The following TMEM161B variants were observed in gnomAD, a reference collection of about 807,000 sequenced individuals.
TMEM161B encodes transmembrane protein 161B.
A neutral mutation model predicts 61.8 loss-of-function variants in TMEM161B; 34 were observed. The observed-to-expected ratio is 0.55, with a 90% CI of 0.42 to 0.73. The LOEUF is 0.73. Ranked by LOEUF, TMEM161B falls within the 30% of genes least tolerant of loss-of-function variation. TMEM161B has a pLI of 0.00. For missense variants in TMEM161B, 456 were observed against 558.5 expected (o/e 0.82, Z 1.85); for synonymous variants, 167 against 192.8 (o/e 0.87, Z 1.11).
Position 88,254,332 on chromosome 5 carries a change from G to T in TMEM161B, c.4-13416C>A, listed in dbSNP as rs115827511. Among the ~76,000 whole-genome samples the T allele has an allele frequency of 3.2e-3, 488 of 152,204 alleles. 1 individual carries two copies. Among genetic ancestry groups the T allele is most frequent in the African/African-American group, 0.011 (443 of 41,536 alleles). On this transcript the variant is annotated intron_variant, in intron 1 of 11. Coordinates refer to ENST00000296595, the MANE Select transcript of TMEM161B (RefSeq NM_153354.5). ...AGAGTTATTTGAAGAACTTATTATA[G>T]ATTATTTCAAATTTCAAAATTCAAA...
chr5:88,208,723 A>G (rs1256302710), intron 5 of TMEM161B, among the ~76,000 whole-genome samples: 2 of 152,142 alleles, frequency 1.3e-5, no homozygotes, highest in African/African-American at 4.8e-5. Flanking sequence ...TATCAAAATC[A>G]CAGCTAGATT....
downstream of TMEM161B, among the ~76,000 whole-genome samples, chr5:88,192,659 G>A (rs908188679): frequency 1.3e-5 from 2 of 152,220 alleles, no homozygotes; most frequent in African/African-American, 2.4e-5. Flanking sequence ...TATCACTAGT[G>A]TGTTTAAATC....
intron 2 of TMEM161B, among the ~76,000 whole-genome samples, chr5:88,237,506 A>T (rs1752049256): frequency 6.6e-6 from 1 of 152,060 alleles, no homozygotes; most frequent in Non-Finnish European, 1.5e-5. Flanking sequence ...TCCCTTTCTG[A>T]TTCCCCATTT....
At chr5:88,202,234 T>G in intron 9 of TMEM161B, 1 of 418,796 alleles carries the variant, frequency 2.4e-6, no homozygotes, top group South Asian at 1.7e-5. Context: ...TTTCTATTAC[T>G]CTAACAGTTC....
intron 9 of TMEM161B, chr5:88,202,007 G>T: frequency 2.5e-6 from 1 of 396,318 alleles, no homozygotes; most frequent in Non-Finnish European, 5.1e-6. Flanking sequence ...TTCTGATGAG[G>T]CAAAGCAGTG....
downstream of TMEM161B, among the ~76,000 whole-genome samples, chr5:88,186,588 T>C (rs1748367381): frequency 6.6e-6 from 1 of 152,138 alleles, no homozygotes; most frequent in Non-Finnish European, 1.5e-5. Flanking sequence ...TTCCTTTTTT[T>C]GATGAGCATA....
At chr5:88,187,807 A>G (rs889632762), downstream of TMEM161B, among the ~76,000 whole-genome samples, 1 of 151,978 alleles carries the variant, frequency 6.6e-6, no homozygotes, top group African/African-American at 2.4e-5. Flanking sequence ...GTAGTATTTC[A>G]TTGGTTTTTG....
At chr5:88,230,528 T>C (rs1750819886) in intron 2 of TMEM161B, among the ~76,000 whole-genome samples, 1 of 152,224 alleles carries the variant, frequency 6.6e-6, no homozygotes, top group Non-Finnish European at 1.5e-5. Flanking sequence ...CAGCCTTTCA[T>C]GATCTGACCA....
At chr5:88,225,890 C>G (rs1554056687) in intron 3 of TMEM161B, 24 bp from the exon 4 acceptor site, 1 of 1,504,122 alleles carries the variant, frequency 6.6e-7, no homozygotes, top group Non-Finnish European at 9.1e-7. Context: ...ACAAGTGACA[C>G]AAAAAACAAG....
intron 3 of TMEM161B, among the ~76,000 whole-genome samples, chr5:88,226,599 G>A (rs1189240012): frequency 6.6e-6 from 1 of 152,076 alleles, no homozygotes; most frequent in East Asian, 1.9e-4. Flanking sequence ...CTTCAACTAA[G>A]TTTTAATAAT....
At chr5:88,245,320 T>C (rs1431207937) in intron 1 of TMEM161B, among the ~76,000 whole-genome samples, 1 of 151,928 alleles carries the variant, frequency 6.6e-6, no homozygotes. Context: ...TGTGAGTTTC[T>C]GATAGAAGTT....
intron 5 of TMEM161B, among the ~76,000 whole-genome samples, chr5:88,210,509 A>C (rs1028444806): frequency 6.6e-6 from 1 of 152,128 alleles, no homozygotes; most frequent in African/African-American, 2.4e-5. Context: ...CAGCCAGGCC[A>C]CTCTGACTCC....
intron 1 of TMEM161B, among the ~76,000 whole-genome samples, chr5:88,242,321 T>G (rs1247275874): frequency 6.6e-6 from 1 of 151,768 alleles, no homozygotes; most frequent in African/African-American, 2.4e-5. Context: ...TCAACTTAAA[T>G]CTCAGCAGTA....
exon 13 of TMEM161B, chr5:88,189,684 T>G (rs773072326): frequency 8.1e-5 from 14 of 173,802 alleles, no homozygotes; most frequent in Non-Finnish European, 1.7e-4. Flanking sequence ...TAGCTGTCGC[T>G]GTAACTCAAT....
chr5:88,247,172 T>A (rs1753725789), intron 1 of TMEM161B, among the ~76,000 whole-genome samples: 1 of 152,100 alleles, frequency 6.6e-6, no homozygotes, highest in Non-Finnish European at 1.5e-5. Context: ...AATAGTTTCT[T>A]GGAAGGTTAC....
chr5:88,221,606 A>G (rs1302955078), intron 4 of TMEM161B: 3 of 432,718 alleles, frequency 6.9e-6, no homozygotes, highest in African/African-American at 4.1e-5. Flanking sequence ...CCCCTTCAAC[A>G]AACTATTCCA....
chr5:88,264,531 C>T (rs1756105927), intron 1 of TMEM161B, among the ~76,000 whole-genome samples: 1 of 152,186 alleles, frequency 6.6e-6, no homozygotes, highest in Admixed American at 6.5e-5. Flanking sequence ...GTGGTGATTC[C>T]TCAAGGATCT....
At chr5:88,227,563 A>G (rs1235370375) in intron 3 of TMEM161B, among the ~76,000 whole-genome samples, 1 of 152,218 alleles carries the variant, frequency 6.6e-6, no homozygotes, top group African/African-American at 2.4e-5. Flanking sequence ...ATGATAAGTG[A>G]AAAAGGATGG....
exon 13 of TMEM161B, chr5:88,189,881 G>C: frequency 1.7e-6 from 1 of 584,686 alleles, no homozygotes; most frequent in South Asian, 2.2e-5. Context: ...AACTATTTTT[G>C]ATAGTCTGAT....
Sources: allele counts gnomAD v4.1 joint callset (sites outside exome capture counted in the v4.1 genomes callset), GRCh38; gene constraint gnomAD v4.1.1; transcripts MANE v1.5; gene names NCBI Gene and HGNC (gene_info 2026-07-23, HGNC 2026-07-21).